The following IGSF10 variants were observed in gnomAD, a reference collection of about 807,000 sequenced individuals.
IGSF10 encodes immunoglobulin superfamily member 10, also known as calvaria mechanical force protein 608.
In IGSF10, 126 loss-of-function variants were observed where a neutral mutation model predicts 128.2. The observed-to-expected ratio is 0.98, with a 90% CI of 0.85 to 1.14. IGSF10 has a LOEUF of 1.14. IGSF10 is among the 50% of genes most tolerant of loss of function. IGSF10 has a pLI of 0.00. For synonymous variants in IGSF10, 1,185 were observed against 1,146.2 expected, an observed-to-expected ratio of 1.03 and a Z score of -0.68; for missense variants, 3,295 against 3,149.8, an observed-to-expected ratio of 1.05 and a Z score of -1.10.
At position 151,458,814 on chromosome 3, in the gene IGSF10, T is replaced by G. The variant is rs1241987198; in HGVS notation, c.-1-104A>C. ...TCTGGGAGACCTTCTTTAAGGGTCG[T>G]AAGTGGTCAATTCCATTCCTACCCT... On this transcript the variant is annotated intron_variant, in intron 2 of 7. Transcript: ENST00000282466. 4.5e-6 allele frequency: 4 copies of G among 897,582 alleles called. No individual in the cohort carries two copies. The Admixed American group carries it at 8.0e-5, about 18-fold the overall frequency. 55.6% of individuals were successfully genotyped at this position (897,582 alleles called of 1,614,324 possible).
chr3:151,468,328 T>G, the IGSF10 span, among the ~76,000 whole-genome samples: 1 of 152,272 alleles, frequency 6.6e-6, no homozygotes, highest in East Asian at 1.9e-4. Flanking sequence ...GGGACCTTTC[T>G]CATTCTCATT....
At chr3:151,600,649 T>C in the IGSF10 span, among the ~76,000 whole-genome samples, 1 of 152,138 alleles carries the variant, frequency 6.6e-6, no homozygotes, top group Non-Finnish European at 1.5e-5. Context: ...GCAGGGCATT[T>C]GTGTATTTTA....
the IGSF10 span, among the ~76,000 whole-genome samples, chr3:151,513,378 T>C: frequency 6.6e-6 from 1 of 152,216 alleles, no homozygotes; most frequent in South Asian, 2.1e-4. Flanking sequence ...AACTACATGA[T>C]TATCTCAATA....
At chr3:151,540,262 A>T in the IGSF10 span, among the ~76,000 whole-genome samples, 43 of 152,268 alleles carry the variant, frequency 2.8e-4, no homozygotes, top group African/African-American at 9.9e-4. Flanking sequence ...AAAACAGAAC[A>T]TTACCATTTC....
chr3:151,447,191 A>G lies in IGSF10; in HGVS notation c.2790T>C (p.Asp930=), dbSNP rs750190092. The change falls in exon 6 of 8, where the codon GAT becomes GAC. Residue 930 remains aspartate (D), a synonymous_variant. Coordinates refer to ENST00000282466, the MANE Select transcript of IGSF10 (RefSeq NM_178822.5). The stretch of plus-strand genomic sequence containing the variant: ...TGCTACTAAGCATTTTGACATTGAC[A>G]TCTTTGATCATAGTCCTTACTGTTA... ...PPITVRTMIK[D]VNVKMLSSTT... 4 of 1,614,078 alleles carry G rather than the reference A, an allele frequency of 2.5e-6. No homozygotes were observed. Among genetic ancestry groups the G allele is most frequent in the Middle Eastern group, 1.6e-4 (1 of 6,084 alleles).
chr3:151,549,804 C>T, the IGSF10 span, among the ~76,000 whole-genome samples: 1 of 152,134 alleles, frequency 6.6e-6, no homozygotes, highest in African/African-American at 2.4e-5. Context: ...GGAATCTCTA[C>T]ATTAAAATTT....
downstream of IGSF10, chr3:151,432,733 A>G: frequency 1.9e-6 from 3 of 1,608,678 alleles, no homozygotes; most frequent in Non-Finnish European, 2.6e-6. Context: ...ATTTTGGTTC[A>G]ATTTATTTTT....
the IGSF10 span, among the ~76,000 whole-genome samples, chr3:151,515,694 T>C: frequency 1.4e-5 from 2 of 147,858 alleles, no homozygotes; most frequent in East Asian, 4.0e-4. Flanking sequence ...ATAATATATA[T>C]AATTTAAAAA....
the IGSF10 span, among the ~76,000 whole-genome samples, chr3:151,570,917 T>C: frequency 6.6e-6 from 1 of 152,174 alleles, no homozygotes; most frequent in African/African-American, 2.4e-5. Context: ...TTGTATAAGG[T>C]GTAAGGAAGG....
chr3:151,437,618 C>T lies in IGSF10; in HGVS notation c.6943G>A (p.Ala2315Thr). ...LSDSADFICV[A>T]RNEGGESVLV... ...ACGCTCTCTCCACCTTCATTTCGGG[C>T]CACACAGATAAAGTCGGCTGAATCT... Residue 2315 changes from alanine to threonine, a missense_variant, in exon 8 of 8, where the codon GCC (alanine) becomes ACC (threonine). By Grantham distance (58) the Ala-to-Thr change is moderately conservative (BLOSUM62 0). Transcript: ENST00000282466. 2 of 1,614,168 alleles carry T rather than the reference C, an allele frequency of 1.2e-6. No individual in the cohort carries two copies. The highest frequency in any genetic ancestry group is 2.2e-5 in the South Asian group (2 of 91,082).
At chr3:151,466,020 C>A (rs572830007), upstream of IGSF10, among the ~76,000 whole-genome samples, 1 of 152,148 alleles carries the variant, frequency 6.6e-6, no homozygotes, top group Non-Finnish European at 1.5e-5. Context: ...TTCTGTATAT[C>A]ATTTTCCTTT....
At chr3:151,608,618 C>T in the IGSF10 span, among the ~76,000 whole-genome samples, 94 of 152,268 alleles carry the variant, frequency 6.2e-4, no homozygotes, top group African/African-American at 2.2e-3. Context: ...TATTGTTTCT[C>T]GGATGCTTAA....
the IGSF10 span, among the ~76,000 whole-genome samples, chr3:151,595,726 G>GAA: frequency 3.4e-5 from 4 of 119,210 alleles, no homozygotes; most frequent in Non-Finnish European, 5.3e-5. Flanking sequence ...TCTGGAATCT[G>GAA]AAAAAAAAAA....
chr3:151,583,493 G>A, the IGSF10 span, among the ~76,000 whole-genome samples: 1 of 152,106 alleles, frequency 6.6e-6, no homozygotes, highest in Non-Finnish European at 1.5e-5. Flanking sequence ...ACCAAACACC[G>A]CATGTTCTCA....
the IGSF10 span, among the ~76,000 whole-genome samples, chr3:151,488,811 AC>A: frequency 6.6e-6 from 1 of 152,230 alleles, no homozygotes; most frequent in Non-Finnish European, 1.5e-5. Context: ...TACACCTTAT[AC>A]AAAAAGTAAC....
the IGSF10 span, among the ~76,000 whole-genome samples, chr3:151,558,531 T>C: frequency 5.3e-5 from 8 of 151,530 alleles, no homozygotes; most frequent in African/African-American, 1.9e-4. Context: ...TTTTTTTTTT[T>C]TGAGACCGAG....
the IGSF10 span, among the ~76,000 whole-genome samples, chr3:151,577,259 T>A: frequency 6.6e-6 from 1 of 152,146 alleles, no homozygotes; most frequent in African/African-American, 2.4e-5. Flanking sequence ...AACATCCTCA[T>A]GAAAAAGAAG....
At chr3:151,486,442 A>T in the IGSF10 span, among the ~76,000 whole-genome samples, 87 of 152,304 alleles carry the variant, frequency 5.7e-4, no homozygotes, top group Admixed American at 5.0e-3. Flanking sequence ...CCAGGAGTTG[A>T]ACTCACCTCT....
In IGSF10 at chr3:151,447,274, A is replaced by G. The variant is rs1466122804; in HGVS notation, c.2707T>C (p.Phe903Leu). The G allele has an allele frequency of 6.2e-7, 1 of 1,614,074 alleles. No homozygotes were observed. Among genetic ancestry groups the G allele is most frequent in the Non-Finnish European group, 8.5e-7 (1 of 1,180,036 alleles). ...VFPLLLGATE[F>L]QDSDQMGRGR... ...CTTCCCATCTGGTCAGAGTCCTGAA[A>G]TTCAGTTGCTCCAAGTAGCAGTGGA... The change falls in exon 6 of 8, where the codon TTT becomes CTT. Residue 903 changes from phenylalanine (F) to leucine (L), a missense_variant. Coordinates refer to ENST00000282466, the MANE Select transcript of IGSF10 (RefSeq NM_178822.5).
Sources: gnomAD v4.1 joint callset for allele counts (sites outside exome capture counted in the v4.1 genomes callset) on GRCh38, gnomAD v4.1.1 for gene constraint, MANE v1.5 for transcripts, NCBI Gene and HGNC (gene_info 2026-07-23, HGNC 2026-07-21) for gene names.